The following B3GAT2 variants were observed in gnomAD, a reference collection of about 807,000 sequenced individuals.
The protein encoded by B3GAT2 is galactosylgalactosylxylosylprotein 3-beta-glucuronosyltransferase 2.
In B3GAT2, 26 loss-of-function variants were observed where a neutral mutation model predicts 27.8. The observed-to-expected ratio is 0.93, with a 90% CI of 0.68 to 1.30. B3GAT2 has a LOEUF of 1.30. B3GAT2 is among the 50% of genes most tolerant of loss of function. The pLI, the probability that B3GAT2 is intolerant of heterozygous loss-of-function variation, is 0.00. For missense variants in B3GAT2, 458 were observed against 459.0 expected (o/e 1.00, Z 0.02); for synonymous variants, 218 against 195.1 (o/e 1.12, Z -0.98).
At chr6:70,918,181 C>T (rs1772806061) in intron 1 of B3GAT2, among the ~76,000 whole-genome samples, 1 of 152,094 alleles carries the variant, frequency 6.6e-6, no homozygotes, top group Admixed American at 6.6e-5. Flanking sequence ...CTCTTTTGAT[C>T]TTTGTTGCTT....
chr6:70,881,146 A>G (rs192593247), intron 2 of B3GAT2, among the ~76,000 whole-genome samples: 3 of 152,234 alleles, frequency 2.0e-5, no homozygotes, highest in Admixed American at 6.5e-5. Context: ...ACTCCTCTGC[A>G]TTGCAACCCT....
At chr6:70,894,662 G>C (rs945927230) in intron 1 of B3GAT2, among the ~76,000 whole-genome samples, 1 of 152,164 alleles carries the variant, frequency 6.6e-6, no homozygotes, top group African/African-American at 2.4e-5. Flanking sequence ...CATTACTCAG[G>C]AAGAACAAAA....
chr6:70,921,361 GGTCTATTCTGATGTTAGTA>G (rs1320068389), intron 1 of B3GAT2, among the ~76,000 whole-genome samples: 2 of 152,028 alleles, frequency 1.3e-5, no homozygotes, highest in Non-Finnish European at 2.9e-5. Flanking sequence ...TCCTCAGCTT[GGTCTATTCTGATGTTAGTA>G]GTCTATTCTG....
In B3GAT2 at chr6:70,955,936, G is replaced by C; in HGVS notation, c.494C>G (p.Ala165Gly). 1 of 1,584,658 alleles carries C rather than the reference G, an allele frequency of 6.3e-7. No homozygotes were observed. Among genetic ancestry groups the C allele is most frequent in the East Asian group, 2.4e-5 (1 of 42,334 alleles). ...RATEQRNAGL[A>G]WLRQRHQHQR... ...GTGCTGGTGCCTCTGGCGCAGCCAG[G>C]CGAGGCCCGCGTTGCGCTGCTCAGT... The change falls in exon 1 of 4, where the codon GCC becomes GGC. Residue 165 changes from alanine (A) to glycine (G), a missense_variant. Physicochemically the swap from Ala to Gly is moderately conservative, Grantham distance 60. Transcript: ENST00000230053.
chr6:70,870,842 G>A (rs962715390), intron 2 of B3GAT2, among the ~76,000 whole-genome samples: 1 of 151,988 alleles, frequency 6.6e-6, no homozygotes, highest in Non-Finnish European at 1.5e-5. Context: ...AAAGCTTTCG[G>A]CATTCAACTA....
At chr6:70,898,963 A>AAAAT (rs138877861) in intron 1 of B3GAT2, among the ~76,000 whole-genome samples, 6,638 of 149,592 alleles carry the variant, frequency 0.044, 168 homozygotes, top group East Asian at 0.12. Context: ...ACCCTGGCTC[A>AAAAT]AAATAAATAA....
intron 1 of B3GAT2, among the ~76,000 whole-genome samples, chr6:70,935,595 T>C (rs1300208406): frequency 6.6e-6 from 1 of 152,156 alleles, no homozygotes; most frequent in Non-Finnish European, 1.5e-5. Context: ...TCATTACAAA[T>C]GTCAACATTT....
chr6:70,947,815 T>G (rs374194406), intron 1 of B3GAT2, among the ~76,000 whole-genome samples: 168 of 152,236 alleles, frequency 1.1e-3, no homozygotes, highest in East Asian at 4.1e-3. Flanking sequence ...TGATGAACAT[T>G]GATGCAAAAA....
In B3GAT2 at chr6:70,872,062, C is replaced by T. The variant is rs74702077; in HGVS notation, c.737-10084G>A. 4.7e-3 allele frequency among the ~76,000 whole-genome samples: 709 copies of T among 152,006 alleles called. 2 individuals carry two copies. The highest frequency in any genetic ancestry group is 0.02 in the Middle Eastern group (6 of 294). On this transcript the variant is annotated intron_variant, in intron 2 of 3. Coordinates refer to ENST00000230053, the MANE Select transcript of B3GAT2 (RefSeq NM_080742.3). ...CATTCCAGTATAAACCAAGACCATA[C>T]TTTGTGTAATTTTAGTTATTTTAAA...
Position 70,860,146 on chromosome 6 carries a change from A to C in B3GAT2, c.*1517T>G, listed in dbSNP as rs1771648059. 1 of 1,515,624 alleles carries C rather than the reference A, an allele frequency of 6.6e-7. No individual in the cohort carries two copies. The highest frequency in any genetic ancestry group is 8.8e-7 in the Non-Finnish European group (1 of 1,131,874). The allele number at this position is 1,515,624 out of a possible 1,614,324, so 93.9% of individuals were successfully genotyped here. A position where few individuals can be genotyped will look rare whatever the true frequency, so the allele number is the denominator to read the frequency against. On this transcript the variant is annotated 3_prime_UTR_variant, in exon 4 of 4. Coordinates refer to ENST00000230053, the MANE Select transcript of B3GAT2 (RefSeq NM_080742.3). ...TGACCAACTGTGTGGCTAAAGAAAC[A>C]AGAATTAAAAGTGAAGTAAGCCTCT...
At chr6:70,916,564 C>A (rs146656769) in intron 1 of B3GAT2, among the ~76,000 whole-genome samples, 1 of 152,262 alleles carries the variant, frequency 6.6e-6, no homozygotes, top group African/African-American at 2.4e-5. Flanking sequence ...TTTTGAGATA[C>A]ATTCTATCAA....
chr6:70,897,031 T>C (rs936576572), intron 1 of B3GAT2, among the ~76,000 whole-genome samples: 6 of 152,228 alleles, frequency 3.9e-5, no homozygotes, highest in African/African-American at 1.4e-4. Context: ...TCATCAGCAG[T>C]GTAAGAGACG....
At chr6:70,930,752 T>C (rs767719978) in intron 1 of B3GAT2, among the ~76,000 whole-genome samples, 21 of 152,172 alleles carry the variant, frequency 1.4e-4, no homozygotes, top group Non-Finnish European at 2.8e-4. Context: ...GTAAACTCGT[T>C]CAACCATGTG....
intron 1 of B3GAT2, among the ~76,000 whole-genome samples, chr6:70,899,525 C>T (rs558798447): frequency 2.9e-4 from 44 of 152,232 alleles, no homozygotes; most frequent in Middle Eastern, 3.4e-3. Context: ...GATGACGTGG[C>T]GGGATGATGT....
chr6:70,924,898 A>T (rs1380732761), intron 1 of B3GAT2, among the ~76,000 whole-genome samples: 1 of 152,242 alleles, frequency 6.6e-6, no homozygotes, highest in Non-Finnish European at 1.5e-5. Flanking sequence ...TGCAAATCAC[A>T]AGATTCGCAA....
intron 1 of B3GAT2, among the ~76,000 whole-genome samples, chr6:70,894,925 C>G (rs1180400802): frequency 6.6e-6 from 1 of 152,186 alleles, no homozygotes; most frequent in Admixed American, 6.5e-5. Context: ...TGACGCTCAA[C>G]TGAAAGTTAC....
At chr6:70,909,764 T>C (rs1016150528) in intron 1 of B3GAT2, among the ~76,000 whole-genome samples, 2 of 152,230 alleles carry the variant, frequency 1.3e-5, no homozygotes, top group South Asian at 2.1e-4. Context: ...CCACAGCAGT[T>C]AAACAAATAT....
intron 1 of B3GAT2, among the ~76,000 whole-genome samples, chr6:70,947,407 C>T (rs574427696): frequency 8.5e-5 from 13 of 152,150 alleles, no homozygotes; most frequent in African/African-American, 1.7e-4. Context: ...ATATCACCAC[C>T]GATCCCACAG....
At chr6:70,947,544 C>A (rs1245330548) in intron 1 of B3GAT2, among the ~76,000 whole-genome samples, 2 of 152,042 alleles carry the variant, frequency 1.3e-5, no homozygotes, top group Admixed American at 6.5e-5. Flanking sequence ...GAAGTTGAAT[C>A]TCTGAATAGA....
Sources: allele counts gnomAD v4.1 joint callset (sites outside exome capture counted in the v4.1 genomes callset), GRCh38; gene constraint gnomAD v4.1.1; transcripts MANE v1.5; gene names NCBI Gene and HGNC (gene_info 2026-07-23, HGNC 2026-07-21).